The following MDGA2 variants were observed in gnomAD, a reference collection of about 807,000 sequenced individuals.
The protein encoded by MDGA2 is MAM domain containing glycosylphosphatidylinositol anchor 2.
MDGA2 carries 40 observed loss-of-function variants against 117.8 expected under a neutral mutation model. The ratio of observed to expected loss-of-function variants is 0.34; its 90% confidence interval spans 0.26 to 0.44. MDGA2 has a LOEUF of 0.44. Among genes scored for constraint, MDGA2 ranks in the 20% least tolerant of loss-of-function variants. The pLI is 1.00. For missense variants in MDGA2, 1,123 were observed against 1,250.6 expected (o/e 0.90, Z 1.54); for synonymous variants, 452 against 439.0 (o/e 1.03, Z -0.37).
At chr14:47,045,222 A>C (rs35885183) in intron 7 of MDGA2, among the ~76,000 whole-genome samples, 25,994 of 150,532 alleles carry the variant, frequency 0.17, 2,458 homozygotes, top group East Asian at 0.31. Flanking sequence ...TGAACAGATA[A>C]GTGAATGGGA....
At chr14:47,185,394 A>G (rs1056533604) in intron 3 of MDGA2, among the ~76,000 whole-genome samples, 2 of 151,528 alleles carry the variant, frequency 1.3e-5, no homozygotes, top group Admixed American at 6.6e-5. Flanking sequence ...TTTAGGTACT[A>G]TTAATATTCC....
chr14:46,958,377 AG>A (rs1436355028), intron 8 of MDGA2, among the ~76,000 whole-genome samples: 1 of 152,218 alleles, frequency 6.6e-6, no homozygotes, highest in Non-Finnish European at 1.5e-5. Context: ...GGGGAAATAA[AG>A]ATGAAAAGAA....
intron 1 of MDGA2, among the ~76,000 whole-genome samples, chr14:47,447,360 A>T (rs1893145951): frequency 6.6e-6 from 1 of 152,158 alleles, no homozygotes; most frequent in South Asian, 2.1e-4. Context: ...TTAGGGAGTT[A>T]GTGCAGGGAA....
At chr14:47,068,565 G>A (rs890744219) in intron 6 of MDGA2, among the ~76,000 whole-genome samples, 4 of 151,742 alleles carry the variant, frequency 2.6e-5, no homozygotes, top group Non-Finnish European at 4.4e-5. Flanking sequence ...TTATTACTTT[G>A]CTGGCCCTAT....
At chr14:47,413,122 T>C (rs1892406526) in intron 1 of MDGA2, among the ~76,000 whole-genome samples, 1 of 152,202 alleles carries the variant, frequency 6.6e-6, no homozygotes, top group South Asian at 2.1e-4. Flanking sequence ...TATTTCAGTA[T>C]TTCAAACTGA....
chr14:47,031,994 C>T (rs553187755), intron 8 of MDGA2, among the ~76,000 whole-genome samples: 9 of 152,266 alleles, frequency 5.9e-5, no homozygotes, highest in African/African-American at 1.9e-4. Context: ...TTCTTTATAG[C>T]AGTGCAACAA....
chr14:46,944,114 C>G (rs1885089303), intron 9 of MDGA2, among the ~76,000 whole-genome samples: 1 of 151,930 alleles, frequency 6.6e-6, no homozygotes, highest in Non-Finnish European at 1.5e-5. Context: ...TAGCCTTTCC[C>G]TTAAGTATAA....
intron 8 of MDGA2, among the ~76,000 whole-genome samples, chr14:46,998,693 T>G (rs1432315238): frequency 6.6e-6 from 1 of 152,120 alleles, no homozygotes; most frequent in Non-Finnish European, 1.5e-5. Flanking sequence ...TCAGAGAATT[T>G]TAAAGTTTAT....
chr14:47,296,897 G>T (rs1242271400), intron 2 of MDGA2, among the ~76,000 whole-genome samples: 1 of 152,126 alleles, frequency 6.6e-6, no homozygotes, highest in African/African-American at 2.4e-5. Flanking sequence ...CCCATACAAA[G>T]AACTATTCAG....
At chr14:47,161,392 G>T (rs1306646312) in intron 3 of MDGA2, among the ~76,000 whole-genome samples, 1 of 151,842 alleles carries the variant, frequency 6.6e-6, no homozygotes, top group Non-Finnish European at 1.5e-5. Context: ...GATTATCCAG[G>T]TATGTTTAAA....
intron 1 of MDGA2, among the ~76,000 whole-genome samples, chr14:47,513,302 A>C (rs1222714065): frequency 6.6e-6 from 1 of 152,162 alleles, no homozygotes; most frequent in Admixed American, 6.5e-5. Flanking sequence ...GTAGTGAACA[A>C]AGCAGTAATA....
intron 1 of MDGA2, among the ~76,000 whole-genome samples, chr14:47,423,632 TG>T (rs1892624865): frequency 6.6e-6 from 1 of 152,126 alleles, no homozygotes; most frequent in African/African-American, 2.4e-5. Flanking sequence ...GTATTCTTCA[TG>T]TATTAGGATG....
intron 1 of MDGA2, among the ~76,000 whole-genome samples, chr14:47,328,399 A>G (rs1890202970): frequency 2.0e-5 from 3 of 152,188 alleles, no homozygotes; most frequent in Non-Finnish European, 4.4e-5. Context: ...AGAAAACTAC[A>G]TATTAAAGAA....
chr14:47,560,842 G>A (rs946870308), intron 1 of MDGA2, among the ~76,000 whole-genome samples: 12 of 152,068 alleles, frequency 7.9e-5, no homozygotes, highest in Non-Finnish European at 1.6e-4. Context: ...CATTTAAGTT[G>A]TTAGTACATC....
chr14:47,412,456 A>T lies in MDGA2; in HGVS notation c.281-110906T>A, dbSNP rs190098747. ...GCCACAACACCCAACTAATGTTTTT[A>T]ATTTTTGTAGAGATGAAGTCTCACT... On this transcript the variant is annotated intron_variant, in intron 1 of 16. Coordinates refer to ENST00000399232, the MANE Select transcript of MDGA2 (RefSeq NM_001113498.3). 2.2e-4 allele frequency among the ~76,000 whole-genome samples: 34 copies of T among 152,106 alleles called. 1 individual carries two copies. The East Asian group carries it at 6.4e-3, about 29-fold the overall frequency.
intron 14 of MDGA2, among the ~76,000 whole-genome samples, chr14:46,862,211 T>C (rs930928336): frequency 1.3e-5 from 2 of 151,792 alleles, no homozygotes; most frequent in Non-Finnish European, 2.9e-5. Context: ...CCTTAGTTTC[T>C]TAATTCTCAT....
intron 1 of MDGA2, among the ~76,000 whole-genome samples, chr14:47,360,210 A>T (rs968185675): frequency 6.6e-6 from 1 of 151,564 alleles, no homozygotes; most frequent in East Asian, 2.0e-4. Context: ...AATTAGCCGG[A>T]TGTGGTGGTG....
chr14:46,873,853 T>C (rs1490782720), intron 13 of MDGA2, 192 bp downstream of exon 13: 2 of 570,304 alleles, frequency 3.5e-6, no homozygotes, highest in Non-Finnish European at 5.6e-6. Flanking sequence ...CTCTCTACTA[T>C]ATGTATCAGT....
At chr14:47,347,170 T>C (rs1890779664) in intron 1 of MDGA2, among the ~76,000 whole-genome samples, 1 of 152,216 alleles carries the variant, frequency 6.6e-6, no homozygotes, top group Non-Finnish European at 1.5e-5. Flanking sequence ...CTTTGATTTA[T>C]GAACAATGAA....
Sources: allele counts gnomAD v4.1 joint callset (sites outside exome capture counted in the v4.1 genomes callset), GRCh38; gene constraint gnomAD v4.1.1; transcripts MANE v1.5; gene names NCBI Gene and HGNC (gene_info 2026-07-23, HGNC 2026-07-21).